The following POLR3A variants were observed in gnomAD, a reference collection of about 807,000 sequenced individuals.
POLR3A encodes RNA polymerase III subunit A, also known as DNA-directed RNA polymerase III subunit RPC1.
In POLR3A, 112 loss-of-function variants were observed where a neutral mutation model predicts 152.8. That is an observed-to-expected ratio of 0.73 (90% confidence interval 0.63 to 0.86). The LOEUF (loss-of-function observed/expected upper bound fraction) is 0.86. Among genes scored for constraint, POLR3A ranks in the 40% least tolerant of loss-of-function variants. POLR3A has a pLI of 0.00. For synonymous variants in POLR3A, 615 were observed against 652.1 expected (o/e 0.94, Z 0.87); for missense variants, 1,385 against 1,743.1 (o/e 0.79, Z 3.66).
In POLR3A at chr10:77,982,427, C is replaced by T. The variant is rs1415924479; in HGVS notation, c.3595-109G>A. The T allele has an allele frequency of 3.6e-6, 4 of 1,114,286 alleles. No individual in the cohort carries two copies. The African/African-American group carries it at 6.1e-5, about 17-fold the overall frequency. 69.0% of individuals were successfully genotyped at this position (1,114,286 alleles called of 1,614,324 possible). ...GTGGTCATCTGTTAACACACTAGAGCTAGTTTTAGGGATAAGGGAGAACAG... is the reference window on the plus strand; with the variant it reads ...GTGGTCATCTGTTAACACACTAGAGTTAGTTTTAGGGATAAGGGAGAACAG... On this transcript the variant is annotated intron_variant, in intron 27 of 30. Coordinates refer to ENST00000372371, the MANE Select transcript of POLR3A (RefSeq NM_007055.4).
At chr10:77,991,941 G>A (rs1170841636) in intron 20 of POLR3A, among the ~76,000 whole-genome samples, 1 of 152,162 alleles carries the variant, frequency 6.6e-6, no homozygotes, top group African/African-American at 2.4e-5. Flanking sequence ...CTGATGGTTT[G>A]CCTTTACTGT....
rs1847364681 is a variant in POLR3A, at chr10:78,002,256, C to T, written c.2300G>A (p.Cys767Tyr). ...GTTGCTCTTGTCCAGCTCCCGGAGG[C>T]AGGCACTGCCAGCGTGGTCACGGAT... ...SVIRDHAGSA[C>Y]LRELDKSNSP... The change falls in exon 17 of 31, where the codon TGC becomes TAC. Residue 767 changes from cysteine (C) to tyrosine (Y), a missense_variant. Transcript: ENST00000372371. 6.2e-7 allele frequency: 1 copy of T among 1,605,266 alleles called. No individual in the cohort carries two copies. Among genetic ancestry groups the T allele is most frequent in the Admixed American group, 1.7e-5 (1 of 58,666 alleles).
chr10:78,001,329 G>C (rs112107902), intron 17 of POLR3A, among the ~76,000 whole-genome samples: 1 of 152,158 alleles, frequency 6.6e-6, no homozygotes, highest in Non-Finnish European at 1.5e-5. Flanking sequence ...AAAGGCTGGG[G>C]AAGTGACAGG....
chr10:78,004,758 C>T lies in POLR3A; in HGVS notation c.2205G>A (p.Lys735=), dbSNP rs1847394258. 2 of 1,614,038 alleles carry T rather than the reference C, an allele frequency of 1.2e-6. No individual in the cohort carries two copies. Among genetic ancestry groups the T allele is most frequent in the African/African-American group, 1.3e-5 (1 of 75,058 alleles). The change falls in exon 16 of 31, where the codon AAG becomes AAA. Residue 735 remains lysine, a synonymous_variant. Coordinates refer to ENST00000372371, the MANE Select transcript of POLR3A (RefSeq NM_007055.4). ...CAGTGCAGCCAGGCTGCTGCTGCAG[C>T]TTGCCCGTGTTCAGGGCTTCGATGT... is the stretch of plus-strand genomic sequence containing the variant. The part of the protein sequence containing the change: ...DEYIEALNTG[K]LQQQPGCTAE...
At chr10:78,005,550 T>C (rs1360509732) in intron 15 of POLR3A, among the ~76,000 whole-genome samples, 1 of 152,262 alleles carries the variant, frequency 6.6e-6, no homozygotes, top group African/African-American at 2.4e-5. Context: ...AATGAGTGGC[T>C]TCTGGCTTAG....
At chr10:77,983,658 T>C (rs117482236) in intron 26 of POLR3A, among the ~76,000 whole-genome samples, 247 of 152,342 alleles carry the variant, frequency 1.6e-3, no homozygotes, top group Non-Finnish European at 2.9e-3. Context: ...CCACTTATCA[T>C]AATACCGTGT....
chr10:77,977,467 C>T lies in POLR3A; in HGVS notation c.*11G>A. 1 of 1,613,816 alleles carries T rather than the reference C, an allele frequency of 6.2e-7. No homozygotes were observed. The highest frequency in any genetic ancestry group is 8.5e-7 in the Non-Finnish European group (1 of 1,179,774). On this transcript the variant is annotated 3_prime_UTR_variant, in exon 31 of 31. Coordinates refer to ENST00000372371, the MANE Select transcript of POLR3A (RefSeq NM_007055.4). ...GAGTCAAGGTCAGGCATGGTCCCCT[C>T]TTTCTTTGGACTATGTGACAAGGGG...
rs1174190108 is a variant in POLR3A, at chr10:77,980,236, T to C, written c.3929A>G (p.Lys1310Arg). ...CAGCATCAGCACACTCTCCTTCATC[T>C]TGGCCAGGCCAAACCTAGTGATGCC... ...VLGITRFGLA[K>R]MKESVLMLAS... Residue 1310 changes from lysine (K) to arginine (R), a missense_variant, in exon 30 of 31, where the codon AAG (lysine) becomes AGG (arginine). Coordinates refer to ENST00000372371, the MANE Select transcript of POLR3A (RefSeq NM_007055.4). 1 of 1,614,010 alleles carries C rather than the reference T, an allele frequency of 6.2e-7. No individual in the cohort carries two copies. The highest frequency in any genetic ancestry group is 8.5e-7 in the Non-Finnish European group (1 of 1,179,936).
chr10:78,020,171 C>G (rs1847564505), intron 8 of POLR3A: 1 of 93,574 alleles, frequency 1.1e-5, no homozygotes, highest in African/African-American at 5.1e-5. Flanking sequence ...GAGACTCAGT[C>G]TCAAAAAAAA....
intron 28 of POLR3A, 32 bp from the exon 29 acceptor site, chr10:77,981,591 C>T (rs753482931): frequency 2.5e-6 from 4 of 1,613,260 alleles, no homozygotes; most frequent in East Asian, 4.5e-5. Flanking sequence ...CAGAAGCAGC[C>T]CCTTCCGGGA....
intron 28 of POLR3A, 25 bp downstream of exon 28, chr10:77,982,129 G>A (rs200182313): frequency 8.6e-5 from 139 of 1,607,750 alleles, no homozygotes; most frequent in Non-Finnish European, 1.2e-4. Flanking sequence ...CTAACCCTAA[G>A]GCGACCCCGT....
intron 15 of POLR3A, among the ~76,000 whole-genome samples, chr10:78,005,249 C>T (rs1847399901): frequency 6.6e-6 from 1 of 152,208 alleles, no homozygotes; most frequent in Non-Finnish European, 1.5e-5. Flanking sequence ...ATAATCCCAG[C>T]ACTTTGGAAG....
Position 77,999,561 on chromosome 10 carries a change from C to G in POLR3A, c.2616+420G>C, listed in dbSNP as rs148276262. ...CCTTCTAAGCATCCAAGCCCCGCAGCAAGCACTGGAATAGGTCATTAGAGT... is the reference window on the plus strand; with the variant it reads ...CCTTCTAAGCATCCAAGCCCCGCAGGAAGCACTGGAATAGGTCATTAGAGT... On this transcript the variant is annotated intron_variant, in intron 19 of 30. Coordinates refer to ENST00000372371, the MANE Select transcript of POLR3A (RefSeq NM_007055.4). Among the ~76,000 whole-genome samples the G allele has an allele frequency of 6.8e-3, 1,028 of 152,238 alleles. 8 individuals are homozygous for G. Among genetic ancestry groups the G allele is most frequent in the African/African-American group, 0.024 (983 of 41,540 alleles).
At position 77,983,998 on chromosome 10, in the gene POLR3A, A is replaced by C; in HGVS notation, c.3351T>G (p.Ile1117Met). The C allele has an allele frequency of 1.2e-6, 2 of 1,608,570 alleles. No individual in the cohort carries two copies. Among genetic ancestry groups the C allele is most frequent in the Non-Finnish European group, 1.7e-6 (2 of 1,175,042 alleles). The change falls in exon 26 of 31, where the codon ATT becomes ATG. Residue 1117 changes from isoleucine to methionine, a missense_variant. Physicochemically the swap from Ile to Met is conservative, Grantham distance 10. Around this residue, in one of 7 missense-constraint regions of POLR3A, gnomAD observed 332 missense variants for 400.1 expected, o/e 0.83. Transcript: ENST00000372371. The part of the protein sequence containing the change: ...KTLLGEISEY[I>M]EEVFLPDDCF... Reference sequence around the variant, plus strand: ...AGTCATCAGGAAGAAACACTTCTTCAATATACTCGGAAATCTGGAGTGTCA... The same window carrying C: ...AGTCATCAGGAAGAAACACTTCTTCCATATACTCGGAAATCTGGAGTGTCA...
intron 10 of POLR3A, 34 bp from the exon 11 acceptor site, chr10:78,013,824 G>A (rs1358103023): frequency 5.0e-6 from 8 of 1,613,742 alleles, no homozygotes; most frequent in Non-Finnish European, 6.8e-6. Flanking sequence ...AACAGGAAGA[G>A]GACTTAGGCA....
At chr10:78,020,564 G>A (rs1226189027) in intron 8 of POLR3A, among the ~76,000 whole-genome samples, 5 of 151,850 alleles carry the variant, frequency 3.3e-5, no homozygotes, top group Admixed American at 1.3e-4. Flanking sequence ...CAAGGCGGGC[G>A]GATCACGAGG....
In POLR3A at chr10:77,991,057, C is replaced by T. The variant is rs530909493; in HGVS notation, c.2898G>A (p.Leu966=). The change falls in exon 21 of 31, where the codon CTG becomes CTA. Residue 966 remains leucine (L), a synonymous_variant. Coordinates refer to ENST00000372371, the MANE Select transcript of POLR3A (RefSeq NM_007055.4). ...SEFLCCQDSF[L]QEIKKFIKGV... ...GCCAGCACCTGGCAGAGCTCACCTG[C>T]AGGAAGCTGTCCTGGCAGCAGAGGA... 157 of 1,583,692 alleles carry T rather than the reference C, an allele frequency of 9.9e-5. 2 individuals carry two copies. In the East Asian group the frequency reaches 3.4e-3, roughly 34 times the overall value.
intron 11 of POLR3A, among the ~76,000 whole-genome samples, chr10:78,011,628 T>A (rs1428323564): frequency 6.6e-6 from 1 of 152,146 alleles, no homozygotes; most frequent in Non-Finnish European, 1.5e-5. Context: ...CTGACTGCTC[T>A]TACTCCTGGT....
chr10:77,986,587 A>T (rs1358643267), intron 21 of POLR3A, among the ~76,000 whole-genome samples: 1 of 152,220 alleles, frequency 6.6e-6, no homozygotes, highest in African/African-American at 2.4e-5. Flanking sequence ...TGCTCAGTTT[A>T]AATACTACCA....
Sources: allele counts gnomAD v4.1 joint callset (sites outside exome capture counted in the v4.1 genomes callset), GRCh38; gene constraint gnomAD v4.1.1; regional missense constraint gnomAD v4.1.1; transcripts MANE v1.5; gene names NCBI Gene and HGNC (gene_info 2026-07-23, HGNC 2026-07-21).